The following PAX5 variants were observed in gnomAD, a reference collection of about 807,000 sequenced individuals.
The protein encoded by PAX5 is paired box protein Pax-5.
A neutral mutation model predicts 43.7 loss-of-function variants in PAX5; 9 were observed. The observed-to-expected ratio is 0.21, with a 90% confidence interval of 0.12 to 0.36. The LOEUF is 0.36. Among genes scored for constraint, PAX5 ranks in the 10% least tolerant of loss-of-function variants. The pLI, the probability that PAX5 is intolerant of heterozygous loss-of-function variation, is 1.00. For synonymous variants in PAX5, 228 were observed against 214.3 expected (o/e 1.06, Z -0.56); for missense variants, 383 against 532.7 (o/e 0.72, Z 2.77).
At chr9:36,890,682 C>T (rs1827301709) in intron 7 of PAX5, among the ~76,000 whole-genome samples, 1 of 152,142 alleles carries the variant, frequency 6.6e-6, no homozygotes, top group Admixed American at 6.5e-5. Context: ...GGTATCAATT[C>T]CTACAGAGAC....
chr9:36,947,457 C>T (rs116936413), intron 6 of PAX5, among the ~76,000 whole-genome samples: 12,546 of 152,118 alleles, frequency 0.082, 551 homozygotes, highest in East Asian at 0.12. Flanking sequence ...AGTCCAGTGG[C>T]ATGATCATGG....
At chr9:36,958,933 A>G (rs903002621) in intron 6 of PAX5, among the ~76,000 whole-genome samples, 3 of 152,224 alleles carry the variant, frequency 2.0e-5, no homozygotes, top group Non-Finnish European at 2.9e-5. Flanking sequence ...AGCAGCCACC[A>G]GTATCCTGGC....
At chr9:36,966,502 C>A in intron 6 of PAX5, 47 bp downstream of exon 6, 1 of 1,588,884 alleles carries the variant, frequency 6.3e-7, no homozygotes. Flanking sequence ...CCTGGCTGGG[C>A]CGGTGTGGCG....
chr9:36,981,190 C>CA (rs1564035342), intron 5 of PAX5, among the ~76,000 whole-genome samples: 4 of 148,676 alleles, frequency 2.7e-5, no homozygotes, highest in East Asian at 4.1e-4. Context: ...GCAAAGCCCC[C>CA]CCCCCCTCAG....
chr9:36,974,140 A>G (rs572929389), intron 5 of PAX5, among the ~76,000 whole-genome samples: 1 of 152,334 alleles, frequency 6.6e-6, no homozygotes, highest in East Asian at 1.9e-4. Context: ...CAATGGTGCC[A>G]CTGCACATTA....
rs1821476350 is a variant in PAX5 at position 36,834,182 on chromosome 9, G to A, written c.*6378C>T. ...CCCAACCTTGGAGGCCCAGCAGCTG[G>A]GGCTGAGAAGTGGGGCCCAGGCAAC... On this transcript the variant is annotated 3_prime_UTR_variant, in exon 10 of 10. Coordinates refer to ENST00000358127, the MANE Select transcript of PAX5 (RefSeq NM_016734.3). 4.3e-6 allele frequency: 1 copy of A among 233,144 alleles called. No homozygotes were observed. The highest frequency in any genetic ancestry group is 5.6e-5 in the Admixed American group (1 of 17,762). The allele number at this position is 233,144 out of a possible 1,614,324, so 14.4% of individuals were successfully genotyped here.
rs1294497201 is a variant in PAX5 at position 37,034,176 on chromosome 9, C to A, written c.-145G>T. On this transcript the variant is annotated 5_prime_UTR_variant, in exon 1 of 10. Coordinates refer to ENST00000358127, the MANE Select transcript of PAX5 (RefSeq NM_016734.3). ...GGAATAATTCAAGCCTTCCGCTCCC[C>A]CGCCGAGCTGGGGTAGCTGATCACT... 1 of 618,368 alleles carries A rather than the reference C, an allele frequency of 1.6e-6. No homozygotes were observed. Among genetic ancestry groups the A allele is most frequent in the Non-Finnish European group, 2.8e-6 (1 of 355,460 alleles). The allele number at this position is 618,368 out of a possible 1,614,324, so 38.3% of individuals were successfully genotyped here. A position where few individuals can be genotyped will look rare whatever the true frequency, so the allele number is the denominator to read the frequency against.
chr9:36,967,055 G>T (rs1306821907), intron 5 of PAX5, among the ~76,000 whole-genome samples: 1 of 152,200 alleles, frequency 6.6e-6, no homozygotes, highest in East Asian at 1.9e-4. Context: ...TTATTGGTTT[G>T]CCTGAGGATT....
intron 7 of PAX5, among the ~76,000 whole-genome samples, chr9:36,906,660 G>A (rs745585642): frequency 2.6e-5 from 4 of 152,180 alleles, no homozygotes; most frequent in Non-Finnish European, 4.4e-5. Flanking sequence ...ACAGGCAGCC[G>A]TCAGGCCTGC....
intron 5 of PAX5, among the ~76,000 whole-genome samples, chr9:36,978,203 T>C (rs1158600908): frequency 6.6e-6 from 1 of 152,274 alleles, no homozygotes. Context: ...CTGTTCTCTC[T>C]AATCCATACT....
intron 6 of PAX5, among the ~76,000 whole-genome samples, chr9:36,937,127 A>G (rs917911154): frequency 1.3e-5 from 2 of 152,060 alleles, no homozygotes; most frequent in Non-Finnish European, 2.9e-5. Flanking sequence ...CTCCCCCTAC[A>G]CCCTCACATA....
chr9:36,851,710 G>A (rs1823173482), intron 8 of PAX5, among the ~76,000 whole-genome samples: 1 of 152,222 alleles, frequency 6.6e-6, no homozygotes, highest in South Asian at 2.1e-4. Context: ...GGGGCCAGAG[G>A]AGGCAACTGC....
chr9:37,021,397 G>A (rs1839844729), intron 1 of PAX5, among the ~76,000 whole-genome samples: 1 of 152,158 alleles, frequency 6.6e-6, no homozygotes, highest in East Asian at 1.9e-4. Context: ...CTCCCTTTAA[G>A]AAGGTGAGGT....
intron 7 of PAX5, among the ~76,000 whole-genome samples, chr9:36,919,533 A>G (rs570372854): frequency 7.9e-5 from 12 of 152,276 alleles, no homozygotes; most frequent in African/African-American, 2.9e-4. Context: ...ATTCACTATT[A>G]AAGATACCAT....
At chr9:36,844,626 C>T (rs1822390760) in intron 9 of PAX5, among the ~76,000 whole-genome samples, 1 of 152,158 alleles carries the variant, frequency 6.6e-6, no homozygotes, top group African/African-American at 2.4e-5. Flanking sequence ...CCTGAGGCTC[C>T]CACCCACAGC....
chr9:37,008,696 C>T (rs748926331), intron 3 of PAX5, among the ~76,000 whole-genome samples: 15 of 152,170 alleles, frequency 9.9e-5, no homozygotes, highest in Non-Finnish European at 2.1e-4. Context: ...CAAGGAGCCT[C>T]TTGCCCTTTT....
intron 7 of PAX5, among the ~76,000 whole-genome samples, chr9:36,920,638 T>G (rs1342504350): frequency 6.6e-6 from 1 of 152,168 alleles, no homozygotes; most frequent in East Asian, 1.9e-4. Context: ...TTGGATCGCT[T>G]TGGATTTTGG....
chr9:37,002,662 C>A lies in PAX5; in HGVS notation c.590G>T (p.Arg197Leu), dbSNP rs1385943435. Residue 197 changes from arginine (R) to leucine (L), a missense_variant, in exon 5 of 10, where the codon CGC becomes CTC. Physicochemically the swap from Arg to Leu is moderately radical, Grantham distance 102 (BLOSUM62 -2). Coordinates refer to ENST00000358127, the MANE Select transcript of PAX5 (RefSeq NM_016734.3). ...GCCTCTCTTACCTTCGTCTCTCTTG[C>A]GCTTGTTGGTGTCGGCGCTGGGGGA... The part of the protein sequence containing the change: ...ITSPSADTNK[R>L]KRDEGIQESP... 2 of 1,611,974 alleles carry A rather than the reference C, an allele frequency of 1.2e-6. No homozygotes were observed. The highest frequency in any genetic ancestry group is 1.7e-6 in the Non-Finnish European group (2 of 1,179,286).
At chr9:36,843,720 G>C (rs1822298001) in intron 9 of PAX5, among the ~76,000 whole-genome samples, 1 of 151,264 alleles carries the variant, frequency 6.6e-6, no homozygotes, top group Non-Finnish European at 1.5e-5. Flanking sequence ...GTGTTTCATG[G>C]GCTCTGCCAA....
Sources: gnomAD v4.1 joint callset for allele counts (sites outside exome capture counted in the v4.1 genomes callset) on GRCh38, gnomAD v4.1.1 for gene constraint, MANE v1.5 for transcripts, NCBI Gene and HGNC (gene_info 2026-07-23, HGNC 2026-07-21) for gene names.